The following ZNF804A variants were observed in gnomAD, a reference collection of about 807,000 sequenced individuals.
ZNF804A encodes the protein zinc finger protein 804A.
In ZNF804A, 2 loss-of-function variants were observed where a neutral mutation model predicts 16.5. That is an observed-to-expected ratio of 0.12 (90% CI 0.05 to 0.38). The LOEUF (loss-of-function observed/expected upper bound fraction) is 0.38, where lower values mean the gene tolerates loss of function less well. Among genes scored for constraint, ZNF804A ranks in the 10% least tolerant of loss-of-function variants. The pLI is 0.99. For missense variants in ZNF804A, 1,473 were observed against 1,390.7 expected, an observed-to-expected ratio of 1.06 and a Z score of -0.94; for synonymous variants, 534 against 489.6, an observed-to-expected ratio of 1.09 and a Z score of -1.20.
chr2:184,817,145 G>A (rs1694995110), intron 1 of ZNF804A, among the ~76,000 whole-genome samples: 1 of 151,846 alleles, frequency 6.6e-6, no homozygotes, highest in African/African-American at 2.4e-5. Flanking sequence ...GTGGGAAGAT[G>A]AATAGAGAGA....
At chr2:184,870,525 C>G (rs1356134731) in intron 2 of ZNF804A, among the ~76,000 whole-genome samples, 1 of 151,966 alleles carries the variant, frequency 6.6e-6, no homozygotes, top group Non-Finnish European at 1.5e-5. Flanking sequence ...CTCTGAAACT[C>G]TGCTAACTCA....
intron 2 of ZNF804A, among the ~76,000 whole-genome samples, chr2:184,870,008 T>A (rs1272816261): frequency 6.6e-6 from 1 of 152,022 alleles, no homozygotes; most frequent in Non-Finnish European, 1.5e-5. Flanking sequence ...TGTTTGAATT[T>A]TTTTTTAACT....
chr2:184,728,293 C>G (rs536476672), intron 1 of ZNF804A, among the ~76,000 whole-genome samples: 2 of 151,798 alleles, frequency 1.3e-5, no homozygotes, highest in South Asian at 4.2e-4. Flanking sequence ...TTTCCAGTTC[C>G]GTGCAATTTC....
intron 1 of ZNF804A, among the ~76,000 whole-genome samples, chr2:184,643,144 G>A (rs1345290972): frequency 2.0e-5 from 3 of 151,822 alleles, no homozygotes; most frequent in Non-Finnish European, 4.4e-5. Context: ...ATTATGTAAT[G>A]CCCTACATTT....
chr2:184,818,701 A>G (rs1385978308), intron 1 of ZNF804A, among the ~76,000 whole-genome samples: 1 of 152,048 alleles, frequency 6.6e-6, no homozygotes, highest in Non-Finnish European at 1.5e-5. Flanking sequence ...AAAAAAAGGG[A>G]TAGAGGAAAA....
At position 184,937,860 on chromosome 2, in the gene ZNF804A, G is replaced by C. The variant is rs747240144; in HGVS notation, c.2464G>C (p.Gly822Arg). 6.2e-7 allele frequency: 1 copy of C among 1,614,032 alleles called. No individual in the cohort carries two copies. Among genetic ancestry groups the C allele is most frequent in the Non-Finnish European group, 8.5e-7 (1 of 1,179,986 alleles). Residue 822 changes from glycine (G) to arginine (R), a missense_variant, in exon 4 of 4, where the codon GGA becomes CGA. By Grantham distance (125) the Gly-to-Arg change is moderately radical. Transcript: ENST00000302277. ...GCGAAAAAGAGGCAGATTCCACCCC[G>C]GATTTGAAACTTTAGAACTCAAAGA... Reference protein sequence around the residue: ...RRRKRGRFHPGFETLELKENT... With the variant: ...RRRKRGRFHPRFETLELKENT...
intron 1 of ZNF804A, among the ~76,000 whole-genome samples, chr2:184,790,174 G>A (rs1210463851): frequency 6.6e-6 from 1 of 151,004 alleles, no homozygotes; most frequent in Non-Finnish European, 1.5e-5. Flanking sequence ...TTATTCCACT[G>A]TGCTCTGAGA....
At chr2:184,782,123 C>T (rs1694380443) in intron 1 of ZNF804A, among the ~76,000 whole-genome samples, 1 of 151,738 alleles carries the variant, frequency 6.6e-6, no homozygotes. Flanking sequence ...GCCTTATCTT[C>T]AAATACAGTC....
At chr2:184,770,814 G>A (rs960955356) in intron 1 of ZNF804A, among the ~76,000 whole-genome samples, 5 of 151,976 alleles carry the variant, frequency 3.3e-5, no homozygotes, top group Non-Finnish European at 7.4e-5. Context: ...CCTGGCATGA[G>A]TAGAACTATT....
rs1695876873 is a variant in ZNF804A at position 184,866,356 on chromosome 2, T to TTTTA, written c.112-9_112-6dup. 2 of 1,612,452 alleles carry TTTTA rather than the reference T, an allele frequency of 1.2e-6. No homozygotes were observed. Among genetic ancestry groups the TTTTA allele is most frequent in the Admixed American group, 1.7e-5 (1 of 59,868 alleles). ...GAGCTAATTGTATCCTTCCTTGAAA[T>TTTTA]TTTATTTTTCAGGACTATGCTGAGA... On this transcript the variant is annotated splice_polypyrimidine_tract_variant and intron_variant, in intron 1 of 3. Transcript: ENST00000302277.
chr2:184,812,474 C>T (rs1694917070), intron 1 of ZNF804A, among the ~76,000 whole-genome samples: 1 of 152,106 alleles, frequency 6.6e-6, no homozygotes, highest in Non-Finnish European at 1.5e-5. Flanking sequence ...TTTTTCCCCT[C>T]TTCTCTGACA....
Position 184,760,440 on chromosome 2 carries a change from A to G in ZNF804A, c.112-105929A>G, listed in dbSNP as rs1002621578. 2.0e-5 allele frequency among the ~76,000 whole-genome samples: 3 copies of G among 152,166 alleles called. No individual in the cohort carries two copies. The East Asian group carries it at 5.8e-4, about 29-fold the overall frequency. On this transcript the variant is annotated intron_variant, in intron 1 of 3. Transcript: ENST00000302277. Reference sequence around the variant, plus strand: ...AAGTTAAATTTCAGATTTCACTTTGAAAATAATCTGATTTCTAAACTGTGG... The same window carrying G: ...AAGTTAAATTTCAGATTTCACTTTGGAAATAATCTGATTTCTAAACTGTGG...
chr2:184,852,403 TATTA>T (rs1358867725), intron 1 of ZNF804A, among the ~76,000 whole-genome samples: 2 of 151,370 alleles, frequency 1.3e-5, no homozygotes, highest in Admixed American at 1.3e-4. Flanking sequence ...CTCTTCATCC[TATTA>T]ATTGTTTCCT....
At chr2:184,683,368 A>C (rs1040811490) in intron 1 of ZNF804A, among the ~76,000 whole-genome samples, 1 of 152,226 alleles carries the variant, frequency 6.6e-6, no homozygotes, top group Admixed American at 6.5e-5. Flanking sequence ...TTATTCAGCC[A>C]CATTTTACAT....
chr2:184,710,914 A>C (rs180760488), intron 1 of ZNF804A, among the ~76,000 whole-genome samples: 304 of 151,956 alleles, frequency 2.0e-3, no homozygotes, highest in Non-Finnish European at 3.5e-3. Context: ...CCATTGATGG[A>C]CATTTAGGTT....
chr2:184,779,456 A>C (rs1322042136), intron 1 of ZNF804A, among the ~76,000 whole-genome samples: 1 of 151,778 alleles, frequency 6.6e-6, no homozygotes, highest in Non-Finnish European at 1.5e-5. Flanking sequence ...GAACCTGTGA[A>C]TATGTTAGGT....
chr2:184,723,451 A>C (rs1693355610), intron 1 of ZNF804A, among the ~76,000 whole-genome samples: 1 of 151,738 alleles, frequency 6.6e-6, no homozygotes, highest in Non-Finnish European at 1.5e-5. Context: ...ATTTGGATTA[A>C]AATGTCATTT....
chr2:184,599,815 GAGA>G (rs1450319503), intron 1 of ZNF804A, among the ~76,000 whole-genome samples: 1 of 152,112 alleles, frequency 6.6e-6, no homozygotes, highest in East Asian at 1.9e-4. Flanking sequence ...TGATTGGTGG[GAGA>G]AGATGTACTG....
rs114941323 is a variant in ZNF804A at position 184,721,378 on chromosome 2, T to A, written c.111+122308T>A. 5.6e-3 allele frequency among the ~76,000 whole-genome samples: 856 copies of A among 151,990 alleles called. 7 individuals carry two copies. The highest frequency in any genetic ancestry group is 0.02 in the Middle Eastern group (6 of 294). On this transcript the variant is annotated intron_variant, in intron 1 of 3. Transcript: ENST00000302277. Reference sequence around the variant, plus strand: ...AGGGACTAATGCCTAGAATATACAATGAGCTGAAACAACAGTAAAAAAATA... The same window carrying A: ...AGGGACTAATGCCTAGAATATACAAAGAGCTGAAACAACAGTAAAAAAATA...
Sources: allele counts gnomAD v4.1 joint callset (sites outside exome capture counted in the v4.1 genomes callset), GRCh38; gene constraint gnomAD v4.1.1; transcripts MANE v1.5; gene names NCBI Gene and HGNC (gene_info 2026-07-23, HGNC 2026-07-21).